The following THSD4 variants were observed in gnomAD, a reference collection of about 807,000 sequenced individuals.
The protein encoded by THSD4 is thrombospondin type 1 domain containing 4, also known as thrombospondin type-1 domain-containing protein 4.
In THSD4, 69 loss-of-function variants were observed where a neutral mutation model predicts 119.0. The observed-to-expected ratio is 0.58, with a 90% CI of 0.48 to 0.71. THSD4 has a LOEUF of 0.71. THSD4 is among the 30% of genes least tolerant of loss of function. THSD4 has a pLI of 0.00. For synonymous variants in THSD4, 524 were observed against 540.4 expected (o/e 0.97, Z 0.42); for missense variants, 1,393 against 1,391.1 (o/e 1.00, Z -0.02).
At chr15:71,681,236 T>C (rs1346734595) in intron 8 of THSD4, among the ~76,000 whole-genome samples, 2 of 152,100 alleles carry the variant, frequency 1.3e-5, no homozygotes, top group Admixed American at 1.3e-4. Flanking sequence ...TTTTAATTGT[T>C]GCTACTGTTA....
chr15:71,700,501 C>A (rs893273129), intron 8 of THSD4, among the ~76,000 whole-genome samples: 1 of 152,102 alleles, frequency 6.6e-6, no homozygotes, highest in Non-Finnish European at 1.5e-5. Flanking sequence ...CAATTTCCCC[C>A]AAATTAATCC....
chr15:71,567,810 G>GGT (rs1213433798), intron 7 of THSD4, among the ~76,000 whole-genome samples: 2 of 151,624 alleles, frequency 1.3e-5, no homozygotes, highest in Non-Finnish European at 1.5e-5. Flanking sequence ...GGTGTGTGTG[G>GGT]GTGTGTGTGT....
intron 6 of THSD4, among the ~76,000 whole-genome samples, chr15:71,372,929 T>C (rs1393388070): frequency 2.6e-5 from 4 of 152,264 alleles, no homozygotes; most frequent in African/African-American, 9.6e-5. Flanking sequence ...CTCCACCCAG[T>C]TCCAGCTTCC....
intron 4 of THSD4, among the ~76,000 whole-genome samples, chr15:71,230,119 G>C (rs1254121284): frequency 2.0e-5 from 3 of 152,174 alleles, no homozygotes; most frequent in African/African-American, 7.2e-5. Context: ...AGAGGGCACT[G>C]TTTGACAGTC....
At chr15:71,160,300 G>A (rs1397741512) in intron 3 of THSD4, among the ~76,000 whole-genome samples, 1 of 151,822 alleles carries the variant, frequency 6.6e-6, no homozygotes, top group Non-Finnish European at 1.5e-5. Flanking sequence ...ATCCTTGTCT[G>A]GTTTTGGAAT....
At chr15:71,405,307 G>T (rs978111843) in intron 6 of THSD4, among the ~76,000 whole-genome samples, 1 of 152,180 alleles carries the variant, frequency 6.6e-6, no homozygotes, top group Admixed American at 6.5e-5. Context: ...TTCATTTCTT[G>T]TGAGTATAAA....
intron 7 of THSD4, among the ~76,000 whole-genome samples, chr15:71,605,348 A>C (rs1348753837): frequency 6.6e-6 from 1 of 152,240 alleles, no homozygotes; most frequent in Middle Eastern, 3.2e-3. Context: ...TTCTAAGTAT[A>C]GGTCATGTAA....
At chr15:71,729,483 T>C (rs1050034898) in intron 9 of THSD4, 1 of 152,206 alleles carries the variant, frequency 6.6e-6, no homozygotes, top group East Asian at 1.9e-4. Context: ...GATTAACATA[T>C]TTGCTGTGTC....
chr15:71,136,495 G>A (rs1366791270), intron 1 of THSD4, among the ~76,000 whole-genome samples: 1 of 152,170 alleles, frequency 6.6e-6, no homozygotes, highest in African/African-American at 2.4e-5. Flanking sequence ...TTCTGAGAAC[G>A]TGTCCTCACC....
intron 3 of THSD4, among the ~76,000 whole-genome samples, chr15:71,209,645 G>A (rs993385816): frequency 1.3e-5 from 2 of 152,066 alleles, no homozygotes; most frequent in Non-Finnish European, 2.9e-5. Flanking sequence ...TGTTTGTTTT[G>A]TTTTTCTGAT....
intron 12 of THSD4, among the ~76,000 whole-genome samples, chr15:71,746,220 C>G (rs1350054405): frequency 6.6e-6 from 1 of 151,874 alleles, no homozygotes; most frequent in Non-Finnish European, 1.5e-5. Flanking sequence ...TGTAATAAAA[C>G]TAACCTTTGG....
At chr15:71,275,752 C>G (rs117339734) in intron 6 of THSD4, among the ~76,000 whole-genome samples, 107 of 152,172 alleles carry the variant, frequency 7.0e-4, no homozygotes, top group Middle Eastern at 3.4e-3. Context: ...CTGCTGTTCT[C>G]GTGATAGTGA....
intron 6 of THSD4, among the ~76,000 whole-genome samples, chr15:71,303,873 A>G (rs575164661): frequency 6.6e-6 from 1 of 152,216 alleles, no homozygotes; most frequent in East Asian, 1.9e-4. Context: ...AGTTCCTCAC[A>G]CTAGGAACCT....
At chr15:71,695,950 TAGC>T (rs2141060709) in intron 8 of THSD4, among the ~76,000 whole-genome samples, 1 of 152,280 alleles carries the variant, frequency 6.6e-6, no homozygotes, top group Non-Finnish European at 1.5e-5. Context: ...AAAATGTAAA[TAGC>T]AGAGGTAAAA....
intron 7 of THSD4, among the ~76,000 whole-genome samples, chr15:71,566,336 G>T (rs185208462): frequency 7.2e-4 from 109 of 152,190 alleles, no homozygotes; most frequent in Non-Finnish European, 1.8e-4. Flanking sequence ...TGTGGTCAGA[G>T]GCAATGTCCA....
chr15:71,312,955 C>T (rs183980797), intron 6 of THSD4, among the ~76,000 whole-genome samples: 1 of 152,320 alleles, frequency 6.6e-6, no homozygotes, highest in East Asian at 1.9e-4. Context: ...AGAATGAAAG[C>T]TCTGCGAGAG....
At chr15:71,664,229 G>A (rs1451462718) in intron 8 of THSD4, among the ~76,000 whole-genome samples, 4 of 152,148 alleles carry the variant, frequency 2.6e-5, no homozygotes, top group East Asian at 3.9e-4. Flanking sequence ...TGATCCGCCC[G>A]CCTCAGCCTC....
intron 7 of THSD4, among the ~76,000 whole-genome samples, chr15:71,627,286 G>A (rs546170805): frequency 2.6e-5 from 4 of 152,332 alleles, no homozygotes; most frequent in African/African-American, 9.6e-5. Flanking sequence ...GCTCATATGG[G>A]TTTGTGTAGT....
rs1401185619 is a variant in THSD4 at position 71,472,260 on chromosome 15, G to C, written c.1152+60437G>C. On this transcript the variant is annotated intron_variant, in intron 7 of 17. Transcript: ENST00000261862. ...CCTCTGTAAAATGGAGTTAATAACA[G>C]TATCTACATGATGGGGTTGTTGTCA... is the stretch of plus-strand genomic sequence containing the variant. Among the ~76,000 whole-genome samples, 3 of 152,164 alleles carry C rather than the reference G, an allele frequency of 2.0e-5. No individual in the cohort carries two copies. The East Asian group carries it at 5.8e-4, about 29-fold the overall frequency.
Sources: allele counts gnomAD v4.1 joint callset (sites outside exome capture counted in the v4.1 genomes callset), GRCh38; gene constraint gnomAD v4.1.1; transcripts MANE v1.5; gene names NCBI Gene and HGNC (gene_info 2026-07-23, HGNC 2026-07-21).